Variants in ARHGAP15 observed in about 807,000 individuals in gnomAD.
ARHGAP15 encodes the protein rho GTPase-activating protein 15.
Under a neutral mutation model 63.7 loss-of-function variants are expected in ARHGAP15, and 51 were observed. That is an observed-to-expected ratio of 0.80 (90% CI 0.64 to 1.01). The LOEUF (loss-of-function observed/expected upper bound fraction) is 1.01. Among genes scored for constraint, ARHGAP15 ranks in the 50% least tolerant of loss-of-function variants. The pLI is 0.00. For missense variants in ARHGAP15, 560 were observed against 564.6 expected, an observed-to-expected ratio of 0.99 and a Z score of 0.08; for synonymous variants, 191 against 193.8, an observed-to-expected ratio of 0.99 and a Z score of 0.12.
At chr2:143,355,637 G>A (rs1011971333) in intron 6 of ARHGAP15, among the ~76,000 whole-genome samples, 1 of 151,870 alleles carries the variant, frequency 6.6e-6, no homozygotes, top group African/African-American at 2.4e-5. Context: ...TTTTAAAGCT[G>A]TTATTTTATC....
intron 6 of ARHGAP15, among the ~76,000 whole-genome samples, chr2:143,333,086 A>C (rs1360407871): frequency 6.6e-6 from 1 of 152,190 alleles, no homozygotes. Flanking sequence ...TATTCTATAT[A>C]ATTAAATAAC....
chr2:143,489,991 T>C (rs1021678343), intron 9 of ARHGAP15, among the ~76,000 whole-genome samples: 1 of 151,812 alleles, frequency 6.6e-6, no homozygotes, highest in Non-Finnish European at 1.5e-5. Context: ...TTCTTTTTCT[T>C]TTTGTTTTTG....
At chr2:143,415,794 A>G (rs1016594335) in intron 6 of ARHGAP15, among the ~76,000 whole-genome samples, 5 of 152,228 alleles carry the variant, frequency 3.3e-5, no homozygotes, top group African/African-American at 1.2e-4. Context: ...CTACTAAGCC[A>G]TAAAAATGAA....
chr2:143,155,387 T>C (rs1031815051), intron 1 of ARHGAP15, 90 bp from the exon 2 acceptor site: 1 of 1,193,060 alleles, frequency 8.4e-7, no homozygotes, highest in Non-Finnish European at 1.1e-6. Flanking sequence ...CAACTTTTAA[T>C]ATCCTAATGA....
At chr2:143,245,633 T>A (rs1340358877) in intron 5 of ARHGAP15, among the ~76,000 whole-genome samples, 2 of 151,368 alleles carry the variant, frequency 1.3e-5, no homozygotes, top group African/African-American at 2.4e-5. Flanking sequence ...TTTTTTTTTT[T>A]AAACGGGTAA....
At chr2:143,737,730 ATTTATTTATTTAT>A (rs1685802445) in intron 13 of ARHGAP15, among the ~76,000 whole-genome samples, 1 of 17,576 alleles carries the variant, frequency 5.7e-5, no homozygotes, top group African/African-American at 9.1e-4. Context: ...TATTTATTTT[ATTTATTTATTTAT>A]TTATTTATTT....
chr2:143,287,199 T>A (rs756612763), intron 6 of ARHGAP15, among the ~76,000 whole-genome samples: 3 of 152,200 alleles, frequency 2.0e-5, no homozygotes, highest in Non-Finnish European at 4.4e-5. Context: ...ATTTGACTAA[T>A]AACAAAATAA....
chr2:143,662,502 G>A (rs1467409297), intron 12 of ARHGAP15, among the ~76,000 whole-genome samples: 2 of 143,800 alleles, frequency 1.4e-5, no homozygotes, highest in Non-Finnish European at 3.1e-5. Flanking sequence ...CTAAAACGCA[G>A]AGTGCCTCTC....
At chr2:143,232,710 A>G (rs530239946) in intron 5 of ARHGAP15, among the ~76,000 whole-genome samples, 1 of 152,292 alleles carries the variant, frequency 6.6e-6, no homozygotes, top group South Asian at 2.1e-4. Flanking sequence ...GGAGTTAGCC[A>G]AGAACCTGCG....
At chr2:143,370,277 G>A (rs1686489774) in intron 6 of ARHGAP15, among the ~76,000 whole-genome samples, 2 of 151,272 alleles carry the variant, frequency 1.3e-5, no homozygotes, top group African/African-American at 2.4e-5. Flanking sequence ...TCCTTGGCAT[G>A]TCTTGCTTTT....
intron 2 of ARHGAP15, among the ~76,000 whole-genome samples, chr2:143,193,106 G>C (rs1268260823): frequency 1.3e-5 from 2 of 152,146 alleles, no homozygotes; most frequent in Non-Finnish European, 2.9e-5. Flanking sequence ...AGTTATAATC[G>C]AAGGTGGAGA....
At chr2:143,388,388 A>C (rs1052042923) in intron 6 of ARHGAP15, among the ~76,000 whole-genome samples, 1 of 152,186 alleles carries the variant, frequency 6.6e-6, no homozygotes, top group African/African-American at 2.4e-5. Flanking sequence ...AGGATTCTGT[A>C]CTTGGTTTAC....
At chr2:143,473,884 C>G (rs1031534769) in intron 8 of ARHGAP15, among the ~76,000 whole-genome samples, 1 of 152,068 alleles carries the variant, frequency 6.6e-6, no homozygotes. Context: ...CTTTTGGAGG[C>G]CTTTAAAACC....
At chr2:143,599,355 T>C (rs967941210) in intron 11 of ARHGAP15, among the ~76,000 whole-genome samples, 1 of 152,172 alleles carries the variant, frequency 6.6e-6, no homozygotes, top group African/African-American at 2.4e-5. Flanking sequence ...TAAGCAGTTT[T>C]CCTACCAGCA....
intron 2 of ARHGAP15, among the ~76,000 whole-genome samples, chr2:143,174,840 A>G (rs1234611275): frequency 6.6e-6 from 1 of 152,154 alleles, no homozygotes; most frequent in Non-Finnish European, 1.5e-5. Context: ...CTCTATAATG[A>G]AGTCTTTATA....
At chr2:143,312,475 T>TAAAA (rs544948103) in intron 6 of ARHGAP15, among the ~76,000 whole-genome samples, 1 of 151,658 alleles carries the variant, frequency 6.6e-6, no homozygotes, top group African/African-American at 2.4e-5. Context: ...TTTTCAAAGA[T>TAAAA]AAAAAGAAAA....
chr2:143,714,252 C>A (rs893260217), intron 13 of ARHGAP15, among the ~76,000 whole-genome samples: 3 of 152,230 alleles, frequency 2.0e-5, no homozygotes, highest in African/African-American at 7.2e-5. Context: ...GGGGCTTCCA[C>A]CCTCTGAAGC....
chr2:143,720,116 G>A (rs1684981335), intron 13 of ARHGAP15, among the ~76,000 whole-genome samples: 1 of 152,160 alleles, frequency 6.6e-6, no homozygotes, highest in African/African-American at 2.4e-5. Flanking sequence ...TTAGTTGTAT[G>A]TAGGATTGTG....
intron 11 of ARHGAP15, among the ~76,000 whole-genome samples, chr2:143,592,186 T>C (rs1697347402): frequency 6.6e-6 from 1 of 152,224 alleles, no homozygotes; most frequent in Non-Finnish European, 1.5e-5. Flanking sequence ...TCTCATATAA[T>C]AAGTGAAGTG....
Sources: allele counts gnomAD v4.1 joint callset (sites outside exome capture counted in the v4.1 genomes callset), GRCh38; gene constraint gnomAD v4.1.1; transcripts MANE v1.5; gene names NCBI Gene and HGNC (gene_info 2026-07-23, HGNC 2026-07-21).